The following CDK5RAP2 variants were observed in gnomAD, a reference collection of about 807,000 sequenced individuals.
CDK5RAP2 encodes the protein CDK5 regulatory subunit-associated protein 2.
Under a neutral mutation model 232.9 loss-of-function variants are expected in CDK5RAP2, and 147 were observed. That is an observed-to-expected ratio of 0.63 (90% CI 0.55 to 0.72). CDK5RAP2 has a LOEUF of 0.72. CDK5RAP2 is among the 30% of genes least tolerant of loss of function. CDK5RAP2 has a pLI of 0.00. For missense variants in CDK5RAP2, 2,195 were observed against 2,231.5 expected (o/e 0.98, Z 0.33); for synonymous variants, 833 against 833.7 (o/e 1.00, Z 0.01).
chr9:120,556,207 A>C (rs2042222231), intron 3 of CDK5RAP2, among the ~76,000 whole-genome samples: 1 of 152,246 alleles, frequency 6.6e-6, no homozygotes, highest in Non-Finnish European at 1.5e-5. Flanking sequence ...AAGGGAATAT[A>C]CATCTGTCAG....
At chr9:120,416,313 C>T (rs6478474) in intron 27 of CDK5RAP2, among the ~76,000 whole-genome samples, 6,532 of 152,248 alleles carry the variant, frequency 0.043, 187 homozygotes, top group African/African-American at 0.08. Flanking sequence ...GTTCCCTCAC[C>T]CGCCTCCTGG....
intron 22 of CDK5RAP2, among the ~76,000 whole-genome samples, chr9:120,446,416 G>C (rs2036192965): frequency 6.6e-6 from 1 of 152,098 alleles, no homozygotes; most frequent in Non-Finnish European, 1.5e-5. Context: ...AGTAGAGATG[G>C]GGTTTCGCCA....
At chr9:120,530,290 T>C in intron 7 of CDK5RAP2, 150 bp from the exon 8 acceptor site, 1 of 631,206 alleles carries the variant, frequency 1.6e-6, no homozygotes, top group South Asian at 1.9e-5. Context: ...GGTAGGAGAT[T>C]AAGCGTCAGA....
rs2033170036 is a variant in CDK5RAP2, at chr9:120,403,055, T to C, written c.5058A>G (p.Pro1686=). ...VTPKSVSETP[P]LSGNDTDSLS... ...GGGAGTCCGTGTCATTCCCAGAGAG[T>C]GGAGGAGTCTCTGAAACTGTAAAAT... Residue 1686 remains proline (P), a synonymous_variant, in exon 34 of 38, where the codon CCA becomes CCG. Coordinates refer to ENST00000349780, the MANE Select transcript of CDK5RAP2 (RefSeq NM_018249.6). This position sits in a 1 kb window ranked among gnomAD's most constrained non-coding sequence, Gnocchi z 4.2. The C allele has an allele frequency of 3.1e-6, 5 of 1,613,864 alleles. No individual in the cohort carries two copies. Among genetic ancestry groups the C allele is most frequent in the Non-Finnish European group, 4.2e-6 (5 of 1,179,926 alleles).
intron 5 of CDK5RAP2, among the ~76,000 whole-genome samples, chr9:120,544,598 C>A (rs1031592928): frequency 6.6e-6 from 1 of 152,240 alleles, no homozygotes; most frequent in African/African-American, 2.4e-5. Flanking sequence ...GCAGTGCAGC[C>A]ATGCCCTAAA....
intron 12 of CDK5RAP2, among the ~76,000 whole-genome samples, chr9:120,492,162 C>T (rs561414941): frequency 3.9e-4 from 59 of 152,106 alleles, no homozygotes; most frequent in African/African-American, 1.3e-3. Context: ...AATACTGAAG[C>T]ACTATTCATA....
Position 120,394,452 on chromosome 9 carries a change from C to G in CDK5RAP2, c.5578+60G>C, listed in dbSNP as rs7859997. 4,863 of 1,612,422 alleles carry G rather than the reference C, an allele frequency of 3.0e-3. 61 individuals carry two copies. The African/African-American group carries it at 0.037, about 12-fold the overall frequency. On this transcript the variant is annotated intron_variant, in intron 36 of 37. Transcript: ENST00000349780. Reference sequence around the variant, plus strand: ...CCAAAGTGGGTAATCCAGGGCAGAACTGGGAGCCCTCGGAGGCAGGAAGTG... The same window carrying G: ...CCAAAGTGGGTAATCCAGGGCAGAAGTGGGAGCCCTCGGAGGCAGGAAGTG...
intron 7 of CDK5RAP2, among the ~76,000 whole-genome samples, chr9:120,532,913 C>T (rs575677675): frequency 4.3e-4 from 65 of 152,158 alleles, no homozygotes; most frequent in Non-Finnish European, 6.3e-4. Flanking sequence ...TCCCAAAGTC[C>T]CCCTTCCAAA....
At chr9:120,566,862 T>A (rs2042667043) in intron 3 of CDK5RAP2, among the ~76,000 whole-genome samples, 1 of 152,232 alleles carries the variant, frequency 6.6e-6, no homozygotes. Context: ...AGGGTTGTGT[T>A]CAATTCTAGG....
chr9:120,552,690 T>G (rs2042087317), intron 3 of CDK5RAP2, among the ~76,000 whole-genome samples: 3 of 98,392 alleles, frequency 3.0e-5, no homozygotes, highest in Middle Eastern at 6.9e-3. Flanking sequence ...CCAGGGCCTG[T>G]TGTGGGGTGG....
chr9:120,447,802 T>G, intron 22 of CDK5RAP2, 93 bp downstream of exon 22: 5 of 930,304 alleles, frequency 5.4e-6, no homozygotes, highest in Non-Finnish European at 9.0e-6. Flanking sequence ...TACTCAAACT[T>G]ATTGCAATTC....
chr9:120,393,308 C>T (rs181147582), intron 36 of CDK5RAP2, among the ~76,000 whole-genome samples: 3 of 152,166 alleles, frequency 2.0e-5, no homozygotes, highest in Non-Finnish European at 2.9e-5. Context: ...CAGGACCTGG[C>T]GTAAGGGGCA....
intron 2 of CDK5RAP2, among the ~76,000 whole-genome samples, chr9:120,569,627 G>T (rs2042774141): frequency 6.6e-6 from 1 of 152,154 alleles, no homozygotes; most frequent in African/African-American, 2.4e-5. Context: ...AAACAAAGGG[G>T]GATAGCAGGA....
In CDK5RAP2 at chr9:120,415,043, G is replaced by T. The variant is rs754493699; in HGVS notation, c.4294C>A (p.Gln1432Lys). Residue 1432 changes from glutamine (Q) to lysine (K), a missense_variant, in exon 28 of 38, where the codon CAA becomes AAA. Transcript: ENST00000349780. The part of the protein sequence containing the change: ...QLERQGSEFV[Q>K]GSTSIFASGS... ...CTCCAGGAAGGTCTTTCCTTACCTT[G>T]AACAAATTCAGATCCTTGCCGTTCC... is the stretch of plus-strand genomic sequence containing the variant. The T allele has an allele frequency of 6.2e-7, 1 of 1,614,122 alleles. No homozygotes were observed. Among genetic ancestry groups the T allele is most frequent in the Non-Finnish European group, 8.5e-7 (1 of 1,179,984 alleles).
intron 3 of CDK5RAP2, among the ~76,000 whole-genome samples, chr9:120,564,283 T>G (rs142631768): frequency 6.6e-6 from 1 of 151,832 alleles, no homozygotes; most frequent in Non-Finnish European, 1.5e-5. Context: ...CTGGCTAACA[T>G]GGTGAGACCA....
intron 23 of CDK5RAP2, chr9:120,440,390 T>C (rs1274934038): frequency 3.8e-6 from 1 of 259,844 alleles, no homozygotes; most frequent in Non-Finnish European, 7.5e-6. Flanking sequence ...TCCCTGCACA[T>C]TGCGTGCTGT....
chr9:120,447,890 C>T lies in CDK5RAP2; in HGVS notation c.3025+5G>A. 3 of 1,607,034 alleles carry T rather than the reference C, an allele frequency of 1.9e-6. No individual in the cohort carries two copies. The South Asian group carries it at 3.3e-5, about 18-fold the overall frequency. ...CACAGGGAATACATTTTTCTTGGTG[C>T]TTACCATTCAGCAACGTTTTGTCGG... On this transcript the variant is annotated splice_donor_5th_base_variant and intron_variant, in intron 22 of 37. Coordinates refer to ENST00000349780, the MANE Select transcript of CDK5RAP2 (RefSeq NM_018249.6).
At chr9:120,427,135 T>C (rs571736833) in intron 25 of CDK5RAP2, among the ~76,000 whole-genome samples, 7 of 152,208 alleles carry the variant, frequency 4.6e-5, no homozygotes, top group African/African-American at 7.2e-5. Flanking sequence ...GGAGTGTCTA[T>C]TGGGTTTTTT....
intron 25 of CDK5RAP2, among the ~76,000 whole-genome samples, chr9:120,435,652 C>T (rs1004251825): frequency 5.3e-5 from 8 of 151,992 alleles, no homozygotes; most frequent in Non-Finnish European, 7.4e-5. Flanking sequence ...ACAGGATGAG[C>T]ATGGAAAATC....
Sources: gnomAD v4.1 joint callset for allele counts (sites outside exome capture counted in the v4.1 genomes callset) on GRCh38, gnomAD v4.1.1 for gene constraint, Gnocchi (gnomAD v3.1) non-coding constraint, MANE v1.5 for transcripts, NCBI Gene and HGNC (gene_info 2026-07-23, HGNC 2026-07-21) for gene names.